The following DOCK2 variants were observed in gnomAD, a reference collection of about 807,000 sequenced individuals.
DOCK2 encodes dedicator of cytokinesis 2, also known as dedicator of cytokinesis protein 2.
DOCK2 carries 87 observed loss-of-function variants against 248.9 expected under a neutral mutation model. The observed-to-expected ratio is 0.35, with a 90% CI of 0.29 to 0.42. DOCK2 has a LOEUF of 0.42. Ranked by LOEUF, DOCK2 falls within the 10% of genes least tolerant of loss-of-function variation. The probability of loss-of-function intolerance (pLI) is 1.00; values close to 1 mark genes in which losing one functional copy is unlikely to be tolerated. For synonymous variants in DOCK2, 805 were observed against 821.6 expected (o/e 0.98, Z 0.35); for missense variants, 1,747 against 2,300.2 (o/e 0.76, Z 4.92).
chr5:169,893,363 G>A (rs184794022), intron 27 of DOCK2, among the ~76,000 whole-genome samples: 15 of 152,204 alleles, frequency 9.9e-5, no homozygotes, highest in Admixed American at 9.2e-4. Flanking sequence ...AGAAGAAAGG[G>A]CATTGGCTTA....
chr5:169,700,642 G>C (rs1012356823), intron 13 of DOCK2, among the ~76,000 whole-genome samples: 1 of 151,906 alleles, frequency 6.6e-6, no homozygotes, highest in Non-Finnish European at 1.5e-5. Flanking sequence ...GTCTCCAGAA[G>C]TAGCCACTAC....
At chr5:169,971,888 C>T (rs1419000454) in intron 27 of DOCK2, among the ~76,000 whole-genome samples, 1 of 152,178 alleles carries the variant, frequency 6.6e-6, no homozygotes, top group Non-Finnish European at 1.5e-5. Flanking sequence ...TTCATTTCCA[C>T]CTCTGCCACT....
In DOCK2 at chr5:170,057,644, T is replaced by A; in HGVS notation, c.4445T>A (p.Phe1482Tyr). ...AYKLPGILRW[F>Y]EVVHMSQTTI... ...AAGCTGCCGGGGATCCTGCGCTGGTTTGAGGTGGTGCACATGTCGCAGGTG... is the reference window on the plus strand; with the variant it reads ...AAGCTGCCGGGGATCCTGCGCTGGTATGAGGTGGTGCACATGTCGCAGGTG... The change falls in exon 44 of 52, where the codon TTT (phenylalanine) becomes TAT (tyrosine). Residue 1482 changes from phenylalanine to tyrosine, a missense_variant. By Grantham distance (22) the Phe-to-Tyr change is conservative (BLOSUM62 3). Transcript: ENST00000520908. 1 of 1,613,406 alleles carries A rather than the reference T, an allele frequency of 6.2e-7. No individual in the cohort carries two copies. Among genetic ancestry groups the A allele is most frequent in the South Asian group, 1.1e-5 (1 of 90,980 alleles).
intron 27 of DOCK2, among the ~76,000 whole-genome samples, chr5:169,906,885 G>A (rs1303148760): frequency 1.3e-5 from 2 of 152,184 alleles, no homozygotes; most frequent in Non-Finnish European, 2.9e-5. Context: ...ATGTGCATGA[G>A]GCTGGTGCTG....
At chr5:169,949,897 C>T (rs1447876544) in intron 27 of DOCK2, among the ~76,000 whole-genome samples, 1 of 152,038 alleles carries the variant, frequency 6.6e-6, no homozygotes, top group Non-Finnish European at 1.5e-5. Context: ...GTGCTCATAT[C>T]AGTTAGTAAC....
chr5:170,017,649 A>G (rs1295306381), intron 32 of DOCK2, among the ~76,000 whole-genome samples: 3 of 152,226 alleles, frequency 2.0e-5, no homozygotes, highest in Non-Finnish European at 4.4e-5. Flanking sequence ...ATTCTTTACA[A>G]TAACCTTATA....
At chr5:169,956,369 T>C (rs1254611707) in intron 27 of DOCK2, among the ~76,000 whole-genome samples, 1 of 152,236 alleles carries the variant, frequency 6.6e-6, no homozygotes, top group Non-Finnish European at 1.5e-5. Context: ...CTTAAGAGGC[T>C]GCTCCTGATC....
chr5:169,782,576 G>A (rs1765770212), intron 25 of DOCK2, among the ~76,000 whole-genome samples: 1 of 150,326 alleles, frequency 6.7e-6, no homozygotes, highest in African/African-American at 2.5e-5. Flanking sequence ...CTGTGTGATT[G>A]CAGGTCTCCA....
intron 27 of DOCK2, among the ~76,000 whole-genome samples, chr5:169,858,656 C>T (rs1406352717): frequency 2.0e-5 from 3 of 152,116 alleles, no homozygotes; most frequent in African/African-American, 4.8e-5. Context: ...ATGTTATTCC[C>T]ATCCAAATTT....
At chr5:169,898,677 A>T (rs575672744) in intron 27 of DOCK2, among the ~76,000 whole-genome samples, 1 of 152,348 alleles carries the variant, frequency 6.6e-6, no homozygotes, top group Admixed American at 6.5e-5. Flanking sequence ...AGGGTTAGAC[A>T]GTAAATATTT....
chr5:170,003,191 C>T (rs1581519252), intron 30 of DOCK2, among the ~76,000 whole-genome samples: 1 of 152,194 alleles, frequency 6.6e-6, no homozygotes. Context: ...ATAGTGGATG[C>T]CTCGTTCTCA....
intron 27 of DOCK2, among the ~76,000 whole-genome samples, chr5:169,869,462 CAT>C (rs1771803534): frequency 6.6e-6 from 1 of 152,220 alleles, no homozygotes; most frequent in Admixed American, 6.5e-5. Context: ...AATTTATTAA[CAT>C]AAAGGAAAAT....
chr5:170,068,265 G>A (rs920014107), intron 45 of DOCK2, among the ~76,000 whole-genome samples: 2 of 152,148 alleles, frequency 1.3e-5, no homozygotes, highest in African/African-American at 4.8e-5. Context: ...TCACTTATAT[G>A]AGTTACATTA....
Position 169,712,241 on chromosome 5 carries a change from G to A in DOCK2, c.1659+18G>A, listed in dbSNP as rs745384203. The stretch of plus-strand genomic sequence containing the variant: ...TCCTCAAGGTACCATGAGTTGGAAG[G>A]AGCTCTGCACTGAGGGGAGTGCAGG... On this transcript the variant is annotated intron_variant, in intron 17 of 51. Coordinates refer to ENST00000520908, the MANE Select transcript of DOCK2 (RefSeq NM_004946.3). 18 of 1,612,300 alleles carry A rather than the reference G, an allele frequency of 1.1e-5. No homozygotes were observed. Among genetic ancestry groups the A allele is most frequent in the Non-Finnish European group, 1.4e-5 (17 of 1,178,556 alleles).
intron 7 of DOCK2, among the ~76,000 whole-genome samples, chr5:169,683,983 C>T (rs1759814433): frequency 6.6e-6 from 1 of 152,170 alleles, no homozygotes; most frequent in South Asian, 2.1e-4. Flanking sequence ...ATGAAGAAGT[C>T]TGGGTCAATG....
chr5:169,834,799 T>C (rs931648980), intron 26 of DOCK2, among the ~76,000 whole-genome samples: 3 of 152,190 alleles, frequency 2.0e-5, no homozygotes, highest in Non-Finnish European at 4.4e-5. Flanking sequence ...AATGAGAACA[T>C]AGCCCCAAGG....
intron 26 of DOCK2, among the ~76,000 whole-genome samples, chr5:169,807,824 ACT>A (rs1476396756): frequency 8.6e-6 from 1 of 116,270 alleles, no homozygotes; most frequent in African/African-American, 3.9e-5. Context: ...ACAGAGCAAG[ACT>A]CTGTCTCAAA....
chr5:169,985,704 T>C (rs745553787), intron 28 of DOCK2, 124 bp from the exon 29 acceptor site: 53 of 590,134 alleles, frequency 9.0e-5, no homozygotes, highest in Non-Finnish European at 1.4e-4. Flanking sequence ...ATTTAGTTAA[T>C]GAAAGGCTGT....
rs1026553774 is a variant in DOCK2, at chr5:170,050,163, G to A, written c.4072-93G>A. 13 of 1,511,352 alleles carry A rather than the reference G, an allele frequency of 8.6e-6. No individual in the cohort carries two copies. The African/African-American group carries it at 1.8e-4, about 21-fold the overall frequency. 93.6% of individuals were successfully genotyped at this position (1,511,352 alleles called of 1,614,324 possible). A position where few individuals can be genotyped will look rare whatever the true frequency, so the allele number is the denominator to read the frequency against. On this transcript the variant is annotated intron_variant, in intron 40 of 51. Coordinates refer to ENST00000520908, the MANE Select transcript of DOCK2 (RefSeq NM_004946.3). ...GAGTGATGCACTGGACATCCCCATGGACCGTGGTCATTTTACAAGCTCCCC... is the reference window on the plus strand; with the variant it reads ...GAGTGATGCACTGGACATCCCCATGAACCGTGGTCATTTTACAAGCTCCCC...
Sources: allele counts gnomAD v4.1 joint callset (sites outside exome capture counted in the v4.1 genomes callset), GRCh38; gene constraint gnomAD v4.1.1; transcripts MANE v1.5; gene names NCBI Gene and HGNC (gene_info 2026-07-23, HGNC 2026-07-21).